Variants in TNFAIP8 observed in about 807,000 individuals in gnomAD.
TNFAIP8 encodes tumor necrosis factor alpha-induced protein 8.
TNFAIP8 carries 7 observed loss-of-function variants against 13.3 expected under a neutral mutation model. The ratio of observed to expected loss-of-function variants is 0.52; its 90% CI spans 0.30 to 0.99. TNFAIP8 has a LOEUF of 0.99. Among genes scored for constraint, TNFAIP8 ranks in the 50% least tolerant of loss-of-function variants. The pLI is 0.07. For missense variants in TNFAIP8, 258 were observed against 236.9 expected, an observed-to-expected ratio of 1.09 and a Z score of -0.58; for synonymous variants, 94 against 87.6, an observed-to-expected ratio of 1.07 and a Z score of -0.41.
At chr5:119,272,581 T>C (rs1748322894) in intron 1 of TNFAIP8, among the ~76,000 whole-genome samples, 1 of 152,242 alleles carries the variant, frequency 6.6e-6, no homozygotes, top group Non-Finnish European at 1.5e-5. Flanking sequence ...GTGGTATTAC[T>C]GAAACAAACC....
chr5:119,352,080 G>C (rs1408712351), upstream of TNFAIP8, among the ~76,000 whole-genome samples: 1 of 152,146 alleles, frequency 6.6e-6, no homozygotes, highest in Non-Finnish European at 1.5e-5. Flanking sequence ...GAGCCACTGT[G>C]CCCGGCCATA....
intron 1 of TNFAIP8, among the ~76,000 whole-genome samples, chr5:119,335,608 G>A (rs1183222126): frequency 6.6e-6 from 1 of 151,996 alleles, no homozygotes; most frequent in African/African-American, 2.4e-5. Context: ...CAAAGACATT[G>A]TAAAGGTCTG....
chr5:119,292,401 G>A (rs1319207661), intron 1 of TNFAIP8, among the ~76,000 whole-genome samples: 2 of 151,746 alleles, frequency 1.3e-5, no homozygotes, highest in South Asian at 4.2e-4. Flanking sequence ...ATTAGTTAAT[G>A]TCTTTGGACT....
chr5:119,321,813 CT>C (rs1176541213), intron 1 of TNFAIP8, among the ~76,000 whole-genome samples: 2 of 152,182 alleles, frequency 1.3e-5, no homozygotes, highest in African/African-American at 4.8e-5. Context: ...CAGTCATTCC[CT>C]TGCTCCAACC....
chr5:119,268,765 C>T, exon 1 of TNFAIP8: 2 of 668,232 alleles, frequency 3.0e-6, no homozygotes, highest in Non-Finnish European at 5.4e-6. Flanking sequence ...TGGCCTCTGC[C>T]TCCTTTTCTC....
chr5:119,352,902 A>G (rs1206106288), upstream of TNFAIP8, among the ~76,000 whole-genome samples: 2 of 152,346 alleles, frequency 1.3e-5, no homozygotes, highest in East Asian at 3.9e-4. Flanking sequence ...AGTAGGGTCA[A>G]TTTACATATG....
At chr5:119,371,048 T>C (rs1352143955) in intron 1 of TNFAIP8, among the ~76,000 whole-genome samples, 1 of 152,258 alleles carries the variant, frequency 6.6e-6, no homozygotes, top group African/African-American at 2.4e-5. Context: ...CCCCTTTTCA[T>C]GTTAGCTAGT....
chr5:119,292,800 A>G (rs1361029923), intron 1 of TNFAIP8, among the ~76,000 whole-genome samples: 2 of 151,190 alleles, frequency 1.3e-5, no homozygotes, highest in Non-Finnish European at 3.0e-5. Context: ...CCAGATGCAA[A>G]AGGCTACATA....
chr5:119,335,318 C>CTT (rs1750519142), intron 1 of TNFAIP8, among the ~76,000 whole-genome samples: 1 of 152,082 alleles, frequency 6.6e-6, no homozygotes, highest in African/African-American at 2.4e-5. Context: ...GTGCTCTCCC[C>CTT]AAATCACATT....
chr5:119,331,397 A>T (rs928487414), intron 1 of TNFAIP8, among the ~76,000 whole-genome samples: 1 of 152,194 alleles, frequency 6.6e-6, no homozygotes, highest in African/African-American at 2.4e-5. Flanking sequence ...GACTGGTTTA[A>T]ACAGCACACT....
chr5:119,332,675 T>C (rs1015457179), intron 1 of TNFAIP8, among the ~76,000 whole-genome samples: 1 of 152,220 alleles, frequency 6.6e-6, no homozygotes, highest in African/African-American at 2.4e-5. Context: ...ACATACCTAA[T>C]AGGGATCACC....
intron 1 of TNFAIP8, among the ~76,000 whole-genome samples, chr5:119,275,072 T>C (rs767118102): frequency 2.0e-5 from 3 of 150,812 alleles, no homozygotes; most frequent in Non-Finnish European, 4.4e-5. Flanking sequence ...GGCTTTAAAG[T>C]TTAAAGAAGA....
chr5:119,356,636 G>A (rs1158227579), intron 1 of TNFAIP8, among the ~76,000 whole-genome samples: 6 of 152,056 alleles, frequency 3.9e-5, no homozygotes, highest in African/African-American at 1.4e-4. Context: ...GTTTTCAGCA[G>A]TGAGTTCATT....
At chr5:119,357,598 A>G (rs1191542284) in intron 1 of TNFAIP8, among the ~76,000 whole-genome samples, 4 of 151,912 alleles carry the variant, frequency 2.6e-5, no homozygotes, top group Non-Finnish European at 5.9e-5. Context: ...TCCCATAGCA[A>G]CATCCACAGT....
intron 1 of TNFAIP8, among the ~76,000 whole-genome samples, chr5:119,327,553 G>C (rs774836195): frequency 6.6e-6 from 1 of 152,132 alleles, no homozygotes; most frequent in African/African-American, 2.4e-5. Flanking sequence ...CTGCCTCCTG[G>C]GCTCAAGCGA....
Position 119,301,820 on chromosome 5 carries a change from A to G in TNFAIP8, c.1+32913A>G, listed in dbSNP as rs191701033. Among the ~76,000 whole-genome samples, 111 of 152,350 alleles carry G rather than the reference A, an allele frequency of 7.3e-4. 2 individuals carry two copies. The highest frequency in any genetic ancestry group is 7.2e-3 in the Admixed American group (110 of 15,304). On this transcript the variant is annotated intron_variant, in intron 1 of 1. Transcript: ENST00000274456. The stretch of plus-strand genomic sequence containing the variant: ...GCAGTCCTATTTCTTAGGATAAAAT[A>G]TATTCCAAGTGCCAACCCAGATACT...
intron 1 of TNFAIP8, among the ~76,000 whole-genome samples, chr5:119,386,046 A>G (rs976668019): frequency 7.9e-5 from 12 of 152,240 alleles, no homozygotes; most frequent in African/African-American, 2.4e-4. Context: ...GACTTTTATA[A>G]GTATACTATA....
chr5:119,357,312 A>C (rs994728663), intron 1 of TNFAIP8, among the ~76,000 whole-genome samples: 5 of 152,110 alleles, frequency 3.3e-5, no homozygotes, highest in Non-Finnish European at 5.9e-5. Context: ...GTATGGGGGG[A>C]GTAATGCTTT....
At chr5:119,370,052 G>GA (rs1752014916) in intron 1 of TNFAIP8, among the ~76,000 whole-genome samples, 1 of 152,192 alleles carries the variant, frequency 6.6e-6, no homozygotes, top group African/African-American at 2.4e-5. Flanking sequence ...ATGGAAAAGG[G>GA]AATGTTTTAG....
Sources: allele counts gnomAD v4.1 joint callset (sites outside exome capture counted in the v4.1 genomes callset), GRCh38; gene constraint gnomAD v4.1.1; transcripts MANE v1.5; gene names NCBI Gene and HGNC (gene_info 2026-07-23, HGNC 2026-07-21).